Variants in LMTK3 observed in about 807,000 individuals in gnomAD.
The protein encoded by LMTK3 is serine/threonine-protein kinase LMTK3.
LMTK3 carries 27 observed loss-of-function variants against 116.7 expected under a neutral mutation model. The observed-to-expected ratio is 0.23, with a 90% CI of 0.17 to 0.32. The LOEUF (loss-of-function observed/expected upper bound fraction) is 0.32, where lower values mean the gene tolerates loss of function less well. LMTK3 is among the 10% of genes least tolerant of loss of function. LMTK3 has a pLI of 1.00. For missense variants in LMTK3, 1,764 were observed against 2,068.5 expected, an observed-to-expected ratio of 0.85 and a Z score of 2.86; for synonymous variants, 965 against 971.0, an observed-to-expected ratio of 0.99 and a Z score of 0.11.
Position 48,510,184 on chromosome 19 carries a change from G to T in LMTK3, c.211-11C>A, listed in dbSNP as rs368539502. 6.8e-6 allele frequency: 11 copies of T among 1,607,832 alleles called. No homozygotes were observed. Among genetic ancestry groups the T allele is most frequent in the Non-Finnish European group, 9.4e-6 (11 of 1,175,058 alleles). ...AGGGTTCTCAAATTCCTGGGGCCAGGAGAGGAGAAGAGGGGTGGGAGAACG... is the reference window on the plus strand; with the variant it reads ...AGGGTTCTCAAATTCCTGGGGCCAGTAGAGGAGAAGAGGGGTGGGAGAACG... On this transcript the variant is annotated splice_polypyrimidine_tract_variant and intron_variant, in intron 2 of 14. Transcript: ENST00000600059.
At chr19:48,513,313 C>T (rs1055571752), upstream of LMTK3, 1 of 733,104 alleles carries the variant, frequency 1.4e-6, no homozygotes, top group African/African-American at 1.7e-5. This position sits in a 1 kb window ranked among gnomAD's most constrained non-coding sequence, Gnocchi z 5.6. Context: ...CAACCGCCCT[C>T]TGAGACAGGT....
At position 48,500,363 on chromosome 19, in the gene LMTK3, G is replaced by GCAGTGAGCCAAGAT. The variant is rs1340083949; in HGVS notation, c.1152-460_1152-447dup. Among the ~76,000 whole-genome samples, 16 of 151,932 alleles carry GCAGTGAGCCAAGAT rather than the reference G, an allele frequency of 1.1e-4. No individual in the cohort carries two copies. Among genetic ancestry groups the GCAGTGAGCCAAGAT allele is most frequent in the African/African-American group, 3.6e-4 (15 of 41,340 alleles). The stretch of plus-strand genomic sequence containing the variant: ...CGCTTGAACCCGGGAGGCGGAGGTT[G>GCAGTGAGCCAAGAT]CAGTGAGCCAAGATCGTGCCATCGC... On this transcript the variant is annotated intron_variant, in intron 10 of 14. Transcript: ENST00000600059. This position sits in a 1 kb window ranked among gnomAD's most constrained non-coding sequence, Gnocchi z 4.0.
chr19:48,488,715 T>C (rs887790122), intron 14 of LMTK3, among the ~76,000 whole-genome samples: 3 of 148,682 alleles, frequency 2.0e-5, no homozygotes, highest in African/African-American at 7.4e-5. Context: ...CAACCAACCC[T>C]TCCAGTTCCC....
At chr19:48,510,702 G>T (rs1466010450) in intron 1 of LMTK3, 110 bp from the exon 2 acceptor site, 3 of 1,274,288 alleles carry the variant, frequency 2.4e-6, no homozygotes, top group South Asian at 3.4e-5. Context: ...GATGCTCTGC[G>T]ACCAGGGTCC....
chr19:48,502,626 C>G (rs954036788), intron 6 of LMTK3, 45 bp from the exon 7 acceptor site: 6 of 1,511,528 alleles, frequency 4.0e-6, no homozygotes, highest in Non-Finnish European at 5.3e-6. Context: ...CCGCTCAGGT[C>G]TCCAGCTAGT....
chr19:48,493,544 C>G, intron 12 of LMTK3, 150 bp downstream of exon 12: 1 of 1,046,268 alleles, frequency 9.6e-7, no homozygotes, highest in Non-Finnish European at 1.3e-6. Context: ...CCTAGCTCGG[C>G]CTCCCTTCAG....
At chr19:48,510,708 G>T in intron 1 of LMTK3, 116 bp from the exon 2 acceptor site, 1 of 1,254,216 alleles carries the variant, frequency 8.0e-7, no homozygotes, top group Non-Finnish European at 1.1e-6. Flanking sequence ...CTGCGACCAG[G>T]GTCCCTTGGC....
At chr19:48,509,965 A>G in intron 3 of LMTK3, 58 bp downstream of exon 3, 1 of 1,592,610 alleles carries the variant, frequency 6.3e-7, no homozygotes, top group South Asian at 1.1e-5. Context: ...AACACACTCA[A>G]CATCTTCTGG....
rs960153394 is a variant in LMTK3, at chr19:48,494,481, C to T, written c.3677-372G>A. Among the ~76,000 whole-genome samples the T allele has an allele frequency of 2.0e-5, 3 of 152,228 alleles. No homozygotes were observed. Among genetic ancestry groups the T allele is most frequent in the Non-Finnish European group, 4.4e-5 (3 of 68,038 alleles). The stretch of plus-strand genomic sequence containing the variant: ...TAGCTGGGACTACAGGCGCACGTGC[C>T]ACCATGCCCGGCTAATTTTTTGTAT... On this transcript the variant is annotated intron_variant, in intron 11 of 14. Coordinates refer to ENST00000600059, the MANE Select transcript of LMTK3 (RefSeq NM_001388485.1). The surrounding 1 kb of genome is among the most constrained non-coding windows in gnomAD (Gnocchi z 4.0).
chr19:48,487,027 G>A (rs1951013271), intron 14 of LMTK3, among the ~76,000 whole-genome samples: 1 of 145,192 alleles, frequency 6.9e-6, no homozygotes, highest in Non-Finnish European at 1.5e-5. Context: ...CACCACACCC[G>A]GCTATTTTTT....
chr19:48,500,079 A>G lies in LMTK3; in HGVS notation c.1152-162T>C, dbSNP rs1414895209. ...CCCAGAGAGAGGGGGACAGAGACCC[A>G]GAGACAGAGGGACAGAGATCCAGAG... On this transcript the variant is annotated intron_variant, in intron 10 of 14. Coordinates refer to ENST00000600059, the MANE Select transcript of LMTK3 (RefSeq NM_001388485.1). The surrounding 1 kb of genome is among the most constrained non-coding windows in gnomAD (Gnocchi z 4.0). Among the ~76,000 whole-genome samples, 1 of 151,850 alleles carries G rather than the reference A, an allele frequency of 6.6e-6. No individual in the cohort carries two copies. Among genetic ancestry groups the G allele is most frequent in the East Asian group, 2.0e-4 (1 of 5,128 alleles).
At chr19:48,511,146 C>T (rs1160097215) in intron 1 of LMTK3, among the ~76,000 whole-genome samples, 1 of 152,224 alleles carries the variant, frequency 6.6e-6, no homozygotes, top group Admixed American at 6.5e-5. Context: ...TCTCCAGAAG[C>T]CAGAGACAGC....
Position 48,485,766 on chromosome 19 carries a change from C to G in LMTK3, c.*7G>C. The G allele has an allele frequency of 1.2e-6, 2 of 1,610,366 alleles. No individual in the cohort carries two copies. Among genetic ancestry groups the G allele is most frequent in the Non-Finnish European group, 1.7e-6 (2 of 1,178,560 alleles). On this transcript the variant is annotated 3_prime_UTR_variant, in exon 15 of 15. Coordinates refer to ENST00000600059, the MANE Select transcript of LMTK3 (RefSeq NM_001388485.1). The stretch of plus-strand genomic sequence containing the variant: ...TGAGGGTGCAGCGGGGTCGGGTCTT[C>G]GGGGAATCAATTCTCCACGGGGCCT...
intron 3 of LMTK3, 57 bp from the exon 4 acceptor site, chr19:48,509,570 A>G: frequency 7.0e-7 from 1 of 1,420,074 alleles, no homozygotes; most frequent in Non-Finnish European, 9.6e-7. Context: ...GAGTGCTACC[A>G]ACACACCCCA....
chr19:48,507,382 T>G, intron 5 of LMTK3, among the ~76,000 whole-genome samples: 1 of 152,152 alleles, frequency 6.6e-6, no homozygotes, highest in East Asian at 1.9e-4. Context: ...AAACGTCTAC[T>G]GAGAGCCAGC....
rs893810457 is a variant in LMTK3, at chr19:48,504,229, C to T, written c.558-1233G>A. On this transcript the variant is annotated intron_variant, in intron 5 of 14. Transcript: ENST00000600059. ...CTCATCAGAGTTCTCTTGGCCCCTC[C>T]GGGCCTCTGCCTCAACATCATCTCC... 3.3e-5 allele frequency among the ~76,000 whole-genome samples: 5 copies of T among 152,198 alleles called. No homozygotes were observed. The East Asian group carries it at 7.7e-4, about 23-fold the overall frequency.
chr19:48,487,592 C>G (rs1165787095), intron 14 of LMTK3, among the ~76,000 whole-genome samples: 2 of 152,140 alleles, frequency 1.3e-5, no homozygotes, highest in Non-Finnish European at 2.9e-5. Flanking sequence ...ACAAAGCACA[C>G]CTTTTCCCTG....
At chr19:48,493,436 T>G (rs1972262005) in intron 12 of LMTK3, among the ~76,000 whole-genome samples, 1 of 124,586 alleles carries the variant, frequency 8.0e-6, no homozygotes. Context: ...CCACCCCAAT[T>G]CAGCTTGCCC....
chr19:48,493,928 C>G lies in LMTK3; in HGVS notation c.3858G>C (p.Glu1286Asp), dbSNP rs922346436. Residue 1286 changes from glutamate to aspartate, a missense_variant, in exon 12 of 15, where the codon GAG (glutamate) becomes GAC (aspartate). Transcript: ENST00000600059. ...CCGGCGCCGCCGCCTCCTCGTCCTCCTCCTCGTCCTCGTCCTCGTCCTCCC... is the reference window on the plus strand; with the variant it reads ...CCGGCGCCGCCGCCTCCTCGTCCTCGTCCTCGTCCTCGTCCTCGTCCTCCC... ...EDGEDEDEDE[E>D]EDEEAAAPGA... 3 of 1,031,792 alleles carry G rather than the reference C, an allele frequency of 2.9e-6. No individual in the cohort carries two copies. The highest frequency in any genetic ancestry group is 1.7e-5 in the African/African-American group (1 of 57,696). The allele number at this position is 1,031,792 out of a possible 1,614,324, so 63.9% of individuals were successfully genotyped here.
Sources: allele counts gnomAD v4.1 joint callset (sites outside exome capture counted in the v4.1 genomes callset), GRCh38; gene constraint gnomAD v4.1.1; non-coding constraint Gnocchi (gnomAD v3.1); transcripts MANE v1.5; gene names NCBI Gene and HGNC (gene_info 2026-07-23, HGNC 2026-07-21).